Variants in EIF4G3 observed in about 807,000 individuals in gnomAD.
The protein encoded by EIF4G3 is eIF-4-gamma 3.
Under a neutral mutation model 186.4 loss-of-function variants are expected in EIF4G3, and 34 were observed. The ratio of observed to expected loss-of-function variants is 0.18; its 90% CI spans 0.14 to 0.24. The LOEUF (loss-of-function observed/expected upper bound fraction) is 0.24, where lower values mean the gene tolerates loss of function less well. Among genes scored for constraint, EIF4G3 ranks in the 10% least tolerant of loss-of-function variants. The probability of loss-of-function intolerance (pLI) is 1.00; values close to 1 mark genes in which losing one functional copy is unlikely to be tolerated. For missense variants in EIF4G3, 1,536 were observed against 1,948.5 expected (o/e 0.79, Z 3.99); for synonymous variants, 673 against 679.5 (o/e 0.99, Z 0.15).
chr1:20,865,494 ACTAG>A (rs1323182534), intron 20 of EIF4G3, among the ~76,000 whole-genome samples: 1 of 152,068 alleles, frequency 6.6e-6, no homozygotes, highest in Admixed American at 6.6e-5. Flanking sequence ...TAGCCATGCT[ACTAG>A]CTAACATGGA....
intron 20 of EIF4G3, among the ~76,000 whole-genome samples, chr1:20,865,774 T>C (rs1218918365): frequency 1.3e-5 from 2 of 152,156 alleles, no homozygotes; most frequent in Non-Finnish European, 2.9e-5. Flanking sequence ...TTGGGGAATG[T>C]CATAATGTTA....
intron 2 of EIF4G3, among the ~76,000 whole-genome samples, chr1:21,156,496 T>C (rs1014275706): frequency 1.3e-5 from 2 of 152,190 alleles, no homozygotes; most frequent in Non-Finnish European, 2.9e-5. Context: ...GTAAAATGAG[T>C]TGGATATTTC....
rs1259670966 is a variant in EIF4G3, at chr1:21,077,597, C to A, written c.-196+11541G>T. Among the ~76,000 whole-genome samples, 7 of 145,836 alleles carry A rather than the reference C, an allele frequency of 4.8e-5. 1 individual carries two copies. The highest frequency in any genetic ancestry group is 1.5e-4 in the African/African-American group (6 of 39,040). ...TATTAAAAATACAAAAAAAAAAAAACGGGCCGGGCGTGGTGGCTCACTCCT... is the reference window on the plus strand; with the variant it reads ...TATTAAAAATACAAAAAAAAAAAAAAGGGCCGGGCGTGGTGGCTCACTCCT... On this transcript the variant is annotated intron_variant, in intron 3 of 36. Coordinates refer to ENST00000602326, the MANE Select transcript of EIF4G3 (RefSeq NM_001391906.1).
At chr1:20,867,979 G>C (rs963924662) in intron 20 of EIF4G3, among the ~76,000 whole-genome samples, 2 of 151,594 alleles carry the variant, frequency 1.3e-5, no homozygotes, top group African/African-American at 4.8e-5. Context: ...TTGAAGACTT[G>C]TTTTGGAATA....
At chr1:21,066,239 G>A (rs1377651302) in intron 3 of EIF4G3, among the ~76,000 whole-genome samples, 1 of 151,282 alleles carries the variant, frequency 6.6e-6, no homozygotes, top group Non-Finnish European at 1.5e-5. Flanking sequence ...GGCGGGAGGG[G>A]GAGGGATGAG....
At chr1:21,124,046 T>C (rs886080390) in intron 2 of EIF4G3, among the ~76,000 whole-genome samples, 1 of 152,070 alleles carries the variant, frequency 6.6e-6, no homozygotes. Context: ...ATCCCAGCAC[T>C]TTGGGAGGCC....
Position 20,996,957 on chromosome 1 carries a change from A to G in EIF4G3, c.177+644T>C, listed in dbSNP as rs917929796. On this transcript the variant is annotated intron_variant, in intron 7 of 36. Coordinates refer to ENST00000602326, the MANE Select transcript of EIF4G3 (RefSeq NM_001391906.1). ...ACCTCTAAATAGATTCCAATAGGATAGAAGTATGAAACCAATAGGATAGAA... is the reference window on the plus strand; with the variant it reads ...ACCTCTAAATAGATTCCAATAGGATGGAAGTATGAAACCAATAGGATAGAA... Among the ~76,000 whole-genome samples, 3 of 152,310 alleles carry G rather than the reference A, an allele frequency of 2.0e-5. No individual in the cohort carries two copies. The East Asian group carries it at 5.8e-4, about 29-fold the overall frequency.
chr1:21,154,951 C>T (rs2097617439), intron 2 of EIF4G3, among the ~76,000 whole-genome samples: 1 of 151,974 alleles, frequency 6.6e-6, no homozygotes, highest in African/African-American at 2.4e-5. Flanking sequence ...GAAACTGAAA[C>T]CAGAAATATA....
chr1:21,102,768 C>T (rs1250621228), intron 2 of EIF4G3, among the ~76,000 whole-genome samples: 2 of 151,986 alleles, frequency 1.3e-5, no homozygotes, highest in African/African-American at 2.4e-5. Flanking sequence ...TGCCAATAGT[C>T]CAGTGAAATG....
intron 32 of EIF4G3, among the ~76,000 whole-genome samples, chr1:20,825,743 T>A (rs748251739): frequency 6.6e-6 from 1 of 152,162 alleles, no homozygotes; most frequent in Non-Finnish European, 1.5e-5. Flanking sequence ...CTCACTAGAA[T>A]CCCTCTTCAT....
chr1:21,141,937 A>G (rs1456549389), intron 2 of EIF4G3, among the ~76,000 whole-genome samples: 2 of 150,720 alleles, frequency 1.3e-5, no homozygotes, highest in Admixed American at 6.6e-5. Flanking sequence ...CCTGTCTCCA[A>G]AAAAAAAAAC....
chr1:21,130,063 G>A (rs1316826080), intron 2 of EIF4G3, among the ~76,000 whole-genome samples: 10 of 151,996 alleles, frequency 6.6e-5, no homozygotes, highest in Non-Finnish European at 1.2e-4. Context: ...TCTAAAGCCT[G>A]TGGTACACCA....
intron 2 of EIF4G3, among the ~76,000 whole-genome samples, chr1:21,113,491 A>G (rs1282001517): frequency 1.3e-5 from 2 of 152,014 alleles, no homozygotes; most frequent in African/African-American, 4.8e-5. Context: ...TTTTAATTAC[A>G]CCAAAATTCA....
Position 21,089,216 on chromosome 1 carries a change from A to G in EIF4G3, c.-271-3T>C. Reference sequence around the variant, plus strand: ...GTTGCACAGGTCCTCTAGGAATTCTAGAAGAGCGAGTTAAGGATAAGAGAA... The same window carrying G: ...GTTGCACAGGTCCTCTAGGAATTCTGGAAGAGCGAGTTAAGGATAAGAGAA... On this transcript the variant is annotated splice_region_variant and splice_polypyrimidine_tract_variant and intron_variant, in intron 2 of 36. Transcript: ENST00000602326. 1 of 717,160 alleles carries G rather than the reference A, an allele frequency of 1.4e-6. No homozygotes were observed. The allele number at this position is 717,160 out of a possible 1,614,324, so 44.4% of individuals were successfully genotyped here. A position where few individuals can be genotyped will look rare whatever the true frequency, so the allele number is the denominator to read the frequency against.
intron 11 of EIF4G3, 137 bp downstream of exon 11, chr1:20,972,865 T>A: frequency 1.6e-6 from 1 of 618,566 alleles, no homozygotes; most frequent in Non-Finnish European, 2.7e-6. Flanking sequence ...GGTGAAGTGG[T>A]GTGACTATAA....
chr1:20,849,046 CAAAAAAAAAAAAAAAA>C (rs60344352), intron 29 of EIF4G3, among the ~76,000 whole-genome samples: 3 of 17,394 alleles, frequency 1.7e-4, no homozygotes, highest in African/African-American at 1.6e-4. Context: ...GACTCTGTCT[CAAAAAAAAAAAAAAAA>C]AAAAAAAAAA....
chr1:21,135,316 A>G (rs919782737), intron 2 of EIF4G3, among the ~76,000 whole-genome samples: 2 of 152,184 alleles, frequency 1.3e-5, no homozygotes, highest in African/African-American at 4.8e-5. Context: ...CCTGGCCAAC[A>G]TGGTGAAATC....
intron 4 of EIF4G3, among the ~76,000 whole-genome samples, chr1:21,046,505 G>C (rs2093898209): frequency 6.6e-6 from 1 of 152,170 alleles, no homozygotes; most frequent in South Asian, 2.1e-4. Flanking sequence ...TCAAAGTTAT[G>C]AAGTTCACTT....
In EIF4G3 at chr1:21,032,031, G is replaced by C. The variant is rs144673993; in HGVS notation, c.-67+18835C>G. 8.7e-4 allele frequency among the ~76,000 whole-genome samples: 132 copies of C among 152,218 alleles called. 2 individuals are homozygous for C. Among genetic ancestry groups the C allele is most frequent in the African/African-American group, 3.0e-3 (124 of 41,546 alleles). On this transcript the variant is annotated intron_variant, in intron 4 of 36. Coordinates refer to ENST00000602326, the MANE Select transcript of EIF4G3 (RefSeq NM_001391906.1). ...TGCTATTTGTTGCTTCAGGTGGAGA[G>C]GAAGAAAACGTATTCAATAAAATAG...
Sources: gnomAD v4.1 joint callset for allele counts (sites outside exome capture counted in the v4.1 genomes callset) on GRCh38, gnomAD v4.1.1 for gene constraint, MANE v1.5 for transcripts, NCBI Gene and HGNC (gene_info 2026-07-23, HGNC 2026-07-21) for gene names.